HTRA3: variants seen among roughly 807,000 people sequenced by gnomAD.
The protein encoded by HTRA3 is serine protease HTRA3.
Under a neutral mutation model 43.2 loss-of-function variants are expected in HTRA3, and 41 were observed. The ratio of observed to expected loss-of-function variants is 0.95; its 90% CI spans 0.74 to 1.23. The LOEUF is 1.23. Among genes scored for constraint, HTRA3 ranks in the 50% most tolerant of loss-of-function variants. The probability of loss-of-function intolerance (pLI) is 0.00; values close to 1 mark genes in which losing one functional copy is unlikely to be tolerated. For missense variants in HTRA3, 628 were observed against 647.1 expected (o/e 0.97, Z 0.32); for synonymous variants, 295 against 287.9 (o/e 1.02, Z -0.25).
At position 8,286,528 on chromosome 4, in the gene HTRA3, C is replaced by T; in HGVS notation, c.486-33C>T. 1 of 1,601,518 alleles carries T rather than the reference C, an allele frequency of 6.2e-7. No individual in the cohort carries two copies. The highest frequency in any genetic ancestry group is 8.5e-7 in the Non-Finnish European group (1 of 1,170,372). On this transcript the variant is annotated intron_variant, in intron 2 of 8. Transcript: ENST00000307358. The surrounding 1 kb of genome is among the most constrained non-coding windows in gnomAD (Gnocchi z 4.9). ...TGACTCCCCCGCGTCCTAGCCCCACCCTAAATGCCCGCCTGTGTCTCCCTG... is the reference window on the plus strand; with the variant it reads ...TGACTCCCCCGCGTCCTAGCCCCACTCTAAATGCCCGCCTGTGTCTCCCTG...
At chr4:8,293,495 G>T (rs189388964) in intron 5 of HTRA3, among the ~76,000 whole-genome samples, 5 of 152,316 alleles carry the variant, frequency 3.3e-5, no homozygotes, top group Admixed American at 2.0e-4. Flanking sequence ...GGGAGGGCAG[G>T]GCTAGGGGTA....
chr4:8,300,525 T>G (rs1444385681), intron 6 of HTRA3, among the ~76,000 whole-genome samples: 1 of 152,232 alleles, frequency 6.6e-6, no homozygotes, highest in Non-Finnish European at 1.5e-5. Context: ...CATCAAGTTG[T>G]TCACAATATT....
chr4:8,290,302 A>G (rs1320431248), intron 3 of HTRA3, among the ~76,000 whole-genome samples: 1 of 152,194 alleles, frequency 6.6e-6, no homozygotes, highest in Non-Finnish European at 1.5e-5. Flanking sequence ...GCAAAGAGAA[A>G]CTTTCTTATT....
rs534010316 is a variant in HTRA3, at chr4:8,279,648, T to C, written c.386-2789T>C. Among the ~76,000 whole-genome samples, 1 of 152,300 alleles carries C rather than the reference T, an allele frequency of 6.6e-6. No homozygotes were observed. Among genetic ancestry groups the C allele is most frequent in the Admixed American group, 6.5e-5 (1 of 15,294 alleles). On this transcript the variant is annotated intron_variant, in intron 1 of 8. Coordinates refer to ENST00000307358, the MANE Select transcript of HTRA3 (RefSeq NM_053044.5). This position sits in a 1 kb window ranked among gnomAD's most constrained non-coding sequence, Gnocchi z 7.4. Reference sequence around the variant, plus strand: ...GAAGGCAGCCTTTTCTAATCACCTGTGGGAGGAGAGGTGCTGCCATTCCTC... The same window carrying C: ...GAAGGCAGCCTTTTCTAATCACCTGCGGGAGGAGAGGTGCTGCCATTCCTC...
intron 7 of HTRA3, among the ~76,000 whole-genome samples, chr4:8,303,272 G>A (rs1364131569): frequency 6.6e-6 from 1 of 152,182 alleles, no homozygotes; most frequent in Admixed American, 6.5e-5. Context: ...ATCACCTGTG[G>A]TGGGACCGCC....
chr4:8,290,950 A>G (rs112194732), intron 3 of HTRA3, among the ~76,000 whole-genome samples: 2,505 of 152,324 alleles, frequency 0.016, 60 homozygotes, highest in African/African-American at 0.057. Flanking sequence ...AGTTGTCTGC[A>G]GATCTCTCTC....
chr4:8,299,155 T>G (rs1478728735), intron 6 of HTRA3, among the ~76,000 whole-genome samples: 2 of 152,260 alleles, frequency 1.3e-5, no homozygotes, highest in African/African-American at 4.8e-5. Context: ...CTTCTTTAAC[T>G]TCTCTCTGCA....
At chr4:8,277,977 G>A (rs1383487500) in intron 1 of HTRA3, among the ~76,000 whole-genome samples, 1 of 152,164 alleles carries the variant, frequency 6.6e-6, no homozygotes, top group African/African-American at 2.4e-5. Context: ...TGTGCTAGAG[G>A]GACTGATGCA....
intron 6 of HTRA3, among the ~76,000 whole-genome samples, chr4:8,300,094 C>T (rs892794371): frequency 1.3e-5 from 2 of 152,228 alleles, no homozygotes; most frequent in East Asian, 3.8e-4. Flanking sequence ...CCTGCCTTGG[C>T]CTCCCAGAGT....
At position 8,294,147 on chromosome 4, in the gene HTRA3, C is replaced by G. The variant is rs1235927263; in HGVS notation, c.997C>G (p.Pro333Ala). The G allele has an allele frequency of 1.2e-6, 2 of 1,612,614 alleles. No homozygotes were observed. Among genetic ancestry groups the G allele is most frequent in the African/African-American group, 2.7e-5 (2 of 74,758 alleles). Residue 333 changes from proline (P) to alanine (A), a missense_variant, in exon 6 of 9, where the codon CCC becomes GCC. Pro to Ala is a conservative substitution (Grantham distance 27, BLOSUM62 -1). Coordinates refer to ENST00000307358, the MANE Select transcript of HTRA3 (RefSeq NM_053044.5). ...KVTAGISFAI[P>A]SDRITRFLTE... Reference sequence around the variant, plus strand: ...CACGGCTGGCATCTCCTTTGCCATCCCCTCAGACCGCATCACACGGTTCCT... The same window carrying G: ...CACGGCTGGCATCTCCTTTGCCATCGCCTCAGACCGCATCACACGGTTCCT...
chr4:8,294,241 C>T, intron 6 of HTRA3, 40 bp downstream of exon 6: 1 of 1,439,174 alleles, frequency 6.9e-7, no homozygotes, highest in Non-Finnish European at 9.7e-7. Flanking sequence ...GCAGGGGGCA[C>T]TCTCCCAGGG....
At chr4:8,300,225 T>C (rs972672015) in intron 6 of HTRA3, among the ~76,000 whole-genome samples, 5 of 152,244 alleles carry the variant, frequency 3.3e-5, no homozygotes, top group African/African-American at 9.6e-5. Context: ...GGTCTAGTTT[T>C]CTCTTCTGGT....
intron 1 of HTRA3, among the ~76,000 whole-genome samples, chr4:8,280,894 C>T (rs1271888143): frequency 6.6e-6 from 1 of 152,186 alleles, no homozygotes; most frequent in Non-Finnish European, 1.5e-5. Context: ...GAGCCAACCC[C>T]CTAGGTCCCA....
At chr4:8,301,536 A>G (rs1713656693) in intron 6 of HTRA3, among the ~76,000 whole-genome samples, 1 of 152,016 alleles carries the variant, frequency 6.6e-6, no homozygotes, top group Non-Finnish European at 1.5e-5. Flanking sequence ...ACTCAACTTT[A>G]TTATTGATTC....
chr4:8,287,991 A>G (rs9291390), intron 3 of HTRA3, among the ~76,000 whole-genome samples: 6,924 of 152,232 alleles, frequency 0.045, 545 homozygotes, highest in African/African-American at 0.16. Context: ...TTGGACCCGG[A>G]GCTTCCCTTG....
chr4:8,284,354 A>G (rs1438099800), intron 2 of HTRA3, among the ~76,000 whole-genome samples: 2 of 152,230 alleles, frequency 1.3e-5, no homozygotes, highest in Non-Finnish European at 2.9e-5. Context: ...GGAAGGCCCC[A>G]GCCACCAGGC....
chr4:8,283,174 T>G (rs1478046152), intron 2 of HTRA3, among the ~76,000 whole-genome samples: 2 of 151,826 alleles, frequency 1.3e-5, no homozygotes, highest in African/African-American at 4.8e-5. Context: ...AATGAATGAG[T>G]GAGGGAGGGA....
intron 7 of HTRA3, among the ~76,000 whole-genome samples, chr4:8,303,260 G>A (rs1713725054): frequency 6.6e-6 from 1 of 152,160 alleles, no homozygotes. Flanking sequence ...TGCTGTGTCG[G>A]AATCACCTGT....
intron 6 of HTRA3, among the ~76,000 whole-genome samples, chr4:8,299,369 C>T (rs764121391): frequency 1.3e-5 from 2 of 152,182 alleles, no homozygotes; most frequent in Non-Finnish European, 1.5e-5. Context: ...TCACTTACTG[C>T]TTCTAGAAAC....
Sources: allele counts gnomAD v4.1 joint callset (sites outside exome capture counted in the v4.1 genomes callset), GRCh38; gene constraint gnomAD v4.1.1; non-coding constraint Gnocchi (gnomAD v3.1); transcripts MANE v1.5; gene names NCBI Gene and HGNC (gene_info 2026-07-23, HGNC 2026-07-21).